PRDM16: variants seen among roughly 807,000 people sequenced by gnomAD.
The protein encoded by PRDM16 is PR/SET domain 16.
PRDM16 carries 23 observed loss-of-function variants against 110.6 expected under a neutral mutation model. That is an observed-to-expected ratio of 0.21 (90% CI 0.15 to 0.29). The LOEUF (loss-of-function observed/expected upper bound fraction) is 0.29, where lower values mean the gene tolerates loss of function less well. Ranked by LOEUF, PRDM16 falls within the 10% of genes least tolerant of loss-of-function variation. The pLI is 1.00. For synonymous variants in PRDM16, 799 were observed against 781.8 expected (o/e 1.02, Z -0.37); for missense variants, 1,615 against 1,794.3 (o/e 0.90, Z 1.81).
At chr1:3,406,892 G>A (rs1256996003) in intron 8 of PRDM16, among the ~76,000 whole-genome samples, 3 of 152,208 alleles carry the variant, frequency 2.0e-5, no homozygotes, top group Non-Finnish European at 2.9e-5. Flanking sequence ...CCGAGTCATC[G>A]CTTCCCAAGC....
At chr1:3,194,625 A>T (rs1411698401) in intron 2 of PRDM16, among the ~76,000 whole-genome samples, 2 of 147,232 alleles carry the variant, frequency 1.4e-5, no homozygotes, top group African/African-American at 5.1e-5. Flanking sequence ...TCCCCACCAC[A>T]CGCCACCGTC....
At chr1:3,287,258 G>T (rs1640867269) in intron 3 of PRDM16, among the ~76,000 whole-genome samples, 1 of 151,208 alleles carries the variant, frequency 6.6e-6, no homozygotes, top group Non-Finnish European at 1.5e-5. Context: ...GCATTTACCG[G>T]GGCTGGAGGC....
intron 3 of PRDM16, among the ~76,000 whole-genome samples, chr1:3,274,027 A>G (rs1640527766): frequency 6.6e-6 from 1 of 151,566 alleles, no homozygotes; most frequent in Non-Finnish European, 1.5e-5. Context: ...AGCCGCATCC[A>G]TCTCTGATGG....
At chr1:3,218,317 A>C (rs954173634) in intron 2 of PRDM16, among the ~76,000 whole-genome samples, 1 of 152,254 alleles carries the variant, frequency 6.6e-6, no homozygotes, top group African/African-American at 2.4e-5. Context: ...AAGAATTATT[A>C]GGCATGGCTG....
intron 1 of PRDM16, among the ~76,000 whole-genome samples, chr1:3,153,589 G>T (rs1178482852): frequency 6.6e-6 from 1 of 152,338 alleles, no homozygotes; most frequent in East Asian, 1.9e-4. Flanking sequence ...GGTCCTCAAC[G>T]CTGGCAACAG....
intron 2 of PRDM16, among the ~76,000 whole-genome samples, chr1:3,216,753 G>A (rs887830162): frequency 6.6e-6 from 1 of 152,260 alleles, no homozygotes; most frequent in Non-Finnish European, 1.5e-5. Context: ...TGGAGATGCT[G>A]AAACCATTCT....
At chr1:3,266,276 G>A (rs1030088933) in intron 3 of PRDM16, among the ~76,000 whole-genome samples, 1 of 152,164 alleles carries the variant, frequency 6.6e-6, no homozygotes. Flanking sequence ...TCCACGGATC[G>A]GGCGGGCCTG....
At chr1:3,182,202 G>A (rs546163684) in intron 1 of PRDM16, among the ~76,000 whole-genome samples, 62 of 152,326 alleles carry the variant, frequency 4.1e-4, no homozygotes, top group African/African-American at 1.4e-3. Flanking sequence ...TACCGACTCC[G>A]AAAAACCCCC....
Position 3,396,592 on chromosome 1 carries a change from C to A in PRDM16, c.675C>A (p.Asp225Glu). ...TGGGCACAGTGCCGCCCGGCCTGGA[C>A]GGTAAGACCCCTCCCCCAAACCGGG... ...YPLGTVPPGL[D>E]EEPTFRCDEC... Residue 225 changes from aspartate (D) to glutamate (E), a missense_variant and splice_region_variant, in exon 5 of 17, where the codon GAC becomes GAA. By Grantham distance (45) the Asp-to-Glu change is conservative. Around this residue, in one of 5 missense-constraint regions of PRDM16, gnomAD observed 416 missense variants for 467.1 expected, o/e 0.89. Transcript: ENST00000270722. 1 of 1,529,184 alleles carries A rather than the reference C, an allele frequency of 6.5e-7. No homozygotes were observed. The highest frequency in any genetic ancestry group is 8.9e-7 in the Non-Finnish European group (1 of 1,120,620). The allele number at this position is 1,529,184 out of a possible 1,614,324, so 94.7% of individuals were successfully genotyped here.
At chr1:3,322,035 A>T (rs1327378978) in intron 3 of PRDM16, among the ~76,000 whole-genome samples, 2 of 142,122 alleles carry the variant, frequency 1.4e-5, no homozygotes, top group Non-Finnish European at 3.0e-5. Context: ...GATGTGTGTG[A>T]GAGTGTTTGG....
chr1:3,221,387 T>A (rs1028456469), intron 2 of PRDM16, among the ~76,000 whole-genome samples: 2 of 152,174 alleles, frequency 1.3e-5, no homozygotes, highest in Non-Finnish European at 1.5e-5. Context: ...TACGTGGGAC[T>A]TTTTTCCAGA....
chr1:3,338,297 A>G (rs1425254461), intron 3 of PRDM16, among the ~76,000 whole-genome samples: 2 of 152,234 alleles, frequency 1.3e-5, no homozygotes, highest in African/African-American at 4.8e-5. Context: ...GCCTCAGATG[A>G]GAAGCCCCGT....
intron 1 of PRDM16, among the ~76,000 whole-genome samples, chr1:3,113,064 G>A (rs1285304823): frequency 6.6e-6 from 1 of 152,262 alleles, no homozygotes; most frequent in Non-Finnish European, 1.5e-5. Flanking sequence ...GCAGACCCAG[G>A]GAACAGCCAG....
At chr1:3,204,342 C>A (rs1406450821) in intron 2 of PRDM16, among the ~76,000 whole-genome samples, 1 of 152,096 alleles carries the variant, frequency 6.6e-6, no homozygotes, top group African/African-American at 2.4e-5. Context: ...GCTCCTACAA[C>A]TTTCAGACAG....
chr1:3,224,328 T>C (rs1639236547), intron 2 of PRDM16, among the ~76,000 whole-genome samples: 1 of 152,208 alleles, frequency 6.6e-6, no homozygotes, highest in African/African-American at 2.4e-5. Context: ...CCCAAAAGTG[T>C]ATAACCTGGG....
chr1:3,125,609 G>A (rs973433762), intron 1 of PRDM16, among the ~76,000 whole-genome samples: 3 of 152,278 alleles, frequency 2.0e-5, no homozygotes, highest in Admixed American at 6.5e-5. Context: ...GAGCGGCTGT[G>A]CAGGTCCCTG....
rs967372106 is a variant in PRDM16 at position 3,290,827 on chromosome 1, C to T, written c.438+46690C>T. 1.3e-5 allele frequency among the ~76,000 whole-genome samples: 2 copies of T among 151,900 alleles called. No individual in the cohort carries two copies. The highest frequency in any genetic ancestry group is 2.9e-5 in the Non-Finnish European group (2 of 67,964). On this transcript the variant is annotated intron_variant, in intron 3 of 16. Coordinates refer to ENST00000270722, the MANE Select transcript of PRDM16 (RefSeq NM_022114.4). The surrounding 1 kb of genome is among the most constrained non-coding windows in gnomAD (Gnocchi z 4.8). ...GGATACGCCGAGCTGAACTTGGCCACATAATGCCGCTCTGTTTGGGAAGGG... is the reference window on the plus strand; with the variant it reads ...GGATACGCCGAGCTGAACTTGGCCATATAATGCCGCTCTGTTTGGGAAGGG...
At chr1:3,364,736 C>A (rs945539968) in intron 3 of PRDM16, among the ~76,000 whole-genome samples, 5 of 152,354 alleles carry the variant, frequency 3.3e-5, no homozygotes, top group Admixed American at 3.3e-4. Context: ...AGAGGCAGAG[C>A]AAAGCTTTAA....
chr1:3,219,310 T>G (rs1391923108), intron 2 of PRDM16, among the ~76,000 whole-genome samples: 1 of 152,256 alleles, frequency 6.6e-6, no homozygotes, highest in Non-Finnish European at 1.5e-5. Flanking sequence ...TTTCACACTG[T>G]GTCGGCGAGA....
Sources: gnomAD v4.1 joint callset for allele counts (sites outside exome capture counted in the v4.1 genomes callset) on GRCh38, gnomAD v4.1.1 for gene constraint, gnomAD v4.1.1 regional missense constraint, Gnocchi (gnomAD v3.1) non-coding constraint, MANE v1.5 for transcripts, NCBI Gene and HGNC (gene_info 2026-07-23, HGNC 2026-07-21) for gene names.